Variants in SLC25A48 observed in about 807,000 individuals in gnomAD.
SLC25A48 encodes solute carrier family 25 member 48.
Under a neutral mutation model 32.2 loss-of-function variants are expected in SLC25A48, and 29 were observed. The observed-to-expected ratio is 0.90, with a 90% confidence interval of 0.67 to 1.23. The LOEUF is 1.23. Among genes scored for constraint, SLC25A48 ranks in the 50% most tolerant of loss-of-function variants. SLC25A48 has a pLI of 0.00. For synonymous variants in SLC25A48, 164 were observed against 172.3 expected (o/e 0.95, Z 0.38); for missense variants, 399 against 422.7 (o/e 0.94, Z 0.49).
intron 3 of SLC25A48, among the ~76,000 whole-genome samples, chr5:135,785,437 G>A (rs1394039627): frequency 1.3e-5 from 2 of 151,716 alleles, no homozygotes; most frequent in Non-Finnish European, 1.5e-5. Flanking sequence ...CCTATGCGGC[G>A]GGAGGTGGAA....
At chr5:135,734,821 C>CAA (rs1186711507) in intron 3 of SLC25A48, among the ~76,000 whole-genome samples, 2,382 of 116,658 alleles carry the variant, frequency 0.02, 49 homozygotes, top group African/African-American at 0.025. Flanking sequence ...CATCTCAAAA[C>CAA]AAAAAAAAAA....
intron 1 of SLC25A48, among the ~76,000 whole-genome samples, chr5:135,592,257 C>T (rs1044604635): frequency 6.6e-5 from 10 of 152,214 alleles, no homozygotes; most frequent in African/African-American, 2.4e-4. Context: ...ACCTACTAAG[C>T]GCTGAGCCCT....
chr5:135,690,144 C>T (rs568123410), intron 3 of SLC25A48, among the ~76,000 whole-genome samples: 1 of 152,284 alleles, frequency 6.6e-6, no homozygotes, highest in Non-Finnish European at 1.5e-5. Context: ...ACAAGTTGGT[C>T]ACCCCAAAAA....
chr5:135,829,660 T>G (rs969076987), upstream of SLC25A48, among the ~76,000 whole-genome samples: 1 of 120,474 alleles, frequency 8.3e-6, no homozygotes, highest in South Asian at 2.5e-4. Flanking sequence ...GTGGAGAAAC[T>G]GAGGCAGAAA....
At chr5:135,622,851 T>C (rs1752356921) in intron 1 of SLC25A48, among the ~76,000 whole-genome samples, 1 of 152,192 alleles carries the variant, frequency 6.6e-6, no homozygotes, top group East Asian at 1.9e-4. Flanking sequence ...ATGGTAATAA[T>C]AAAAAGACTG....
chr5:135,859,733 C>T (rs1463724021), intron 4 of SLC25A48, among the ~76,000 whole-genome samples: 1 of 152,128 alleles, frequency 6.6e-6, no homozygotes, highest in Non-Finnish European at 1.5e-5. Flanking sequence ...ATTGTTGCTT[C>T]TGGGTGAGGC....
chr5:135,677,958 C>G (rs184788177), intron 3 of SLC25A48, among the ~76,000 whole-genome samples: 2 of 152,234 alleles, frequency 1.3e-5, no homozygotes, highest in East Asian at 1.9e-4. Flanking sequence ...TTCTCTTTGT[C>G]ATTGACTTTA....
chr5:135,653,079 A>G (rs1753155016), intron 3 of SLC25A48, among the ~76,000 whole-genome samples: 1 of 152,134 alleles, frequency 6.6e-6, no homozygotes, highest in South Asian at 2.1e-4. Context: ...TCCACCTTCC[A>G]TGGGAAGACA....
chr5:135,850,599 C>T, intron 3 of SLC25A48, 103 bp downstream of exon 3: 2 of 1,045,504 alleles, frequency 1.9e-6, no homozygotes, highest in Non-Finnish European at 2.9e-6. Context: ...GGCCTCTCAT[C>T]CTGCTCTTCA....
At chr5:135,807,417 G>A (rs10053250) in intron 3 of SLC25A48, among the ~76,000 whole-genome samples, 78,225 of 150,174 alleles carry the variant, frequency 0.52, 21,969 homozygotes, top group East Asian at 0.7. Context: ...ATATCCTAGT[G>A]TGTTAACACT....
At chr5:135,835,678 TAA>T (rs35114794) in intron 1 of SLC25A48, among the ~76,000 whole-genome samples, 1,696 of 70,314 alleles carry the variant, frequency 0.024, 52 homozygotes, top group African/African-American at 0.092. Context: ...TTGCTAATTG[TAA>T]AAAAAAAAAA....
At chr5:135,691,301 A>C (rs1189231579) in intron 3 of SLC25A48, among the ~76,000 whole-genome samples, 1 of 152,226 alleles carries the variant, frequency 6.6e-6, no homozygotes, top group Non-Finnish European at 1.5e-5. Context: ...AAACACAGAC[A>C]CATATGAGGA....
At chr5:135,640,260 C>T (rs1451362577) in intron 3 of SLC25A48, among the ~76,000 whole-genome samples, 1 of 152,170 alleles carries the variant, frequency 6.6e-6, no homozygotes, top group Non-Finnish European at 1.5e-5. Flanking sequence ...TGAACAGAGA[C>T]TCATGTCCTA....
At chr5:135,762,450 G>A (rs757707503) in intron 3 of SLC25A48, among the ~76,000 whole-genome samples, 5 of 152,146 alleles carry the variant, frequency 3.3e-5, no homozygotes, top group Non-Finnish European at 5.9e-5. Flanking sequence ...TTTGAACCAC[G>A]CTAATGTATT....
chr5:135,770,726 G>T (rs1756385863), intron 3 of SLC25A48, among the ~76,000 whole-genome samples: 1 of 151,514 alleles, frequency 6.6e-6, no homozygotes, highest in Non-Finnish European at 1.5e-5. Context: ...TCAAAGAGGT[G>T]TATACCACCC....
intron 6 of SLC25A48, chr5:135,874,904 C>T (rs1341682694): frequency 2.2e-5 from 10 of 461,500 alleles, no homozygotes; most frequent in Non-Finnish European, 3.8e-5. Flanking sequence ...AGTCAGCAGA[C>T]ATGGGTTCAA....
chr5:135,841,707 G>GT (rs201016844), intron 1 of SLC25A48, among the ~76,000 whole-genome samples: 27 of 149,374 alleles, frequency 1.8e-4, no homozygotes, highest in Non-Finnish European at 3.3e-4. Context: ...GGAGATGTGT[G>GT]GGTGGGGGGT....
intron 3 of SLC25A48, among the ~76,000 whole-genome samples, chr5:135,797,027 T>G: frequency 6.6e-6 from 1 of 151,744 alleles, no homozygotes; most frequent in East Asian, 1.9e-4. Flanking sequence ...AGAAAAGGAC[T>G]AATATTACTC....
intron 3 of SLC25A48, among the ~76,000 whole-genome samples, chr5:135,718,059 G>T (rs1171932118): frequency 6.6e-6 from 1 of 152,094 alleles, no homozygotes; most frequent in Admixed American, 6.5e-5. Context: ...CCAGGCTGGG[G>T]TGTAGCGGCA....
Sources: allele counts gnomAD v4.1 joint callset (sites outside exome capture counted in the v4.1 genomes callset), GRCh38; gene constraint gnomAD v4.1.1; transcripts MANE v1.5; gene names NCBI Gene and HGNC (gene_info 2026-07-23, HGNC 2026-07-21).